The following PHLDB2 variants were observed in gnomAD, a reference collection of about 807,000 sequenced individuals.
PHLDB2 encodes pleckstrin homology like domain family B member 2, also known as pleckstrin homology-like domain family B member 2.
PHLDB2 carries 71 observed loss-of-function variants against 123.6 expected under a neutral mutation model. The observed-to-expected ratio is 0.57, with a 90% CI of 0.47 to 0.70. PHLDB2 has a LOEUF of 0.70. Among genes scored for constraint, PHLDB2 ranks in the 30% least tolerant of loss-of-function variants. PHLDB2 has a pLI of 0.00. For synonymous variants in PHLDB2, 547 were observed against 541.6 expected (o/e 1.01, Z -0.14); for missense variants, 1,446 against 1,519.5 (o/e 0.95, Z 0.80).
chr3:111,873,087 A>T (rs13323152), intron 1 of PHLDB2, among the ~76,000 whole-genome samples: 1 of 152,134 alleles, frequency 6.6e-6, no homozygotes, highest in Non-Finnish European at 1.5e-5. Context: ...TCCTCTACAG[A>T]TATGCATGGC....
chr3:111,807,573 A>T (rs530240550), intron 1 of PHLDB2, among the ~76,000 whole-genome samples: 10 of 152,128 alleles, frequency 6.6e-5, no homozygotes, highest in African/African-American at 1.2e-4. Context: ...ATAAAAATTT[A>T]AAAAAAATAG....
exon 1 of PHLDB2, chr3:111,732,589 T>C (rs1287934671): frequency 2.0e-6 from 3 of 1,517,226 alleles, no homozygotes; most frequent in Admixed American, 3.9e-5. Flanking sequence ...CCTGTGTTAA[T>C]GTGTCTTCCC....
At position 111,884,234 on chromosome 3, in the gene PHLDB2, G is replaced by A. The variant is rs751998454; in HGVS notation, c.157G>A (p.Gly53Arg). Residue 53 changes from glycine to arginine, a missense_variant, in exon 2 of 18, where the codon GGA becomes AGA. Physicochemically the swap from Gly to Arg is moderately radical, Grantham distance 125 (BLOSUM62 -2). Around this residue, in one of 3 missense-constraint regions of PHLDB2, gnomAD observed 832 missense variants for 831.9 expected, o/e 1.00. Transcript: ENST00000431670. ...TTCCAGTCTGAGATTTAAAGCCAAT[G>A]GAGACTATTCTGGCTCCTATTTAAC... Reference protein sequence around the residue: ...YSSSLRFKANGDYSGSYLTLS... With the variant: ...YSSSLRFKANRDYSGSYLTLS... The A allele has an allele frequency of 3.7e-6, 6 of 1,614,144 alleles. No individual in the cohort carries two copies. In the South Asian group the frequency reaches 6.6e-5, roughly 18 times the overall value.
chr3:111,773,374 A>G (rs1003561096), intron 1 of PHLDB2, among the ~76,000 whole-genome samples: 1 of 152,224 alleles, frequency 6.6e-6, no homozygotes. Flanking sequence ...AAGACAGCCA[A>G]GGGTTGTGAA....
At chr3:111,964,684 A>G (rs573037737) in intron 13 of PHLDB2, among the ~76,000 whole-genome samples, 4 of 152,292 alleles carry the variant, frequency 2.6e-5, no homozygotes, top group African/African-American at 9.6e-5. Context: ...ACATCAAAAC[A>G]TCATGTTATA....
intron 14 of PHLDB2, 69 bp from the exon 15 acceptor site, chr3:111,967,609 A>G: frequency 1.4e-6 from 2 of 1,432,056 alleles, no homozygotes; most frequent in African/African-American, 1.4e-5. Context: ...TGTCTTTTTT[A>G]TATTGATTGG....
At chr3:111,785,217 CTTCAT>C (rs1170412677) in intron 1 of PHLDB2, among the ~76,000 whole-genome samples, 2 of 152,040 alleles carry the variant, frequency 1.3e-5, no homozygotes, top group East Asian at 3.9e-4. Flanking sequence ...CATTTTATTT[CTTCAT>C]TTGTGACTCA....
At chr3:111,798,199 A>T (rs114313617) in intron 1 of PHLDB2, among the ~76,000 whole-genome samples, 1 of 152,174 alleles carries the variant, frequency 6.6e-6, no homozygotes, top group Non-Finnish European at 1.5e-5. Context: ...GTGAACTTCT[A>T]AGACCTTGGC....
chr3:111,957,052 T>C (rs2071102644), intron 12 of PHLDB2: 1 of 152,522 alleles, frequency 6.6e-6, no homozygotes, highest in Non-Finnish European at 1.5e-5. Flanking sequence ...TAATCAGCAC[T>C]GTTAATAGAA....
Position 111,774,069 on chromosome 3 carries a change from C to T in PHLDB2, c.-49+41366C>T, listed in dbSNP as rs554587579. Among the ~76,000 whole-genome samples the T allele has an allele frequency of 2.6e-5, 4 of 152,304 alleles. No homozygotes were observed. In the East Asian group the frequency reaches 7.7e-4, roughly 29 times the overall value. Reference sequence around the variant, plus strand: ...GAGCTCTATAAACACCTGTCAGTGGCACTATGAGATACAGCCTTTAGAATA... The same window carrying T: ...GAGCTCTATAAACACCTGTCAGTGGTACTATGAGATACAGCCTTTAGAATA... On this transcript the variant is annotated intron_variant, in intron 1 of 17. Transcript: ENST00000393923.
In PHLDB2 at chr3:111,818,165, G is replaced by GGTGTGTGTGTGT. The variant is rs5851789; in HGVS notation, c.-48-27635_-48-27624dup. ...TTAAAAAGAAATTTTTTAAAAAACT[G>GGTGTGTGTGTGT]GTGTGTGTGTGTGTGTGTGTGTGTG... is the stretch of plus-strand genomic sequence containing the variant. On this transcript the variant is annotated intron_variant, in intron 1 of 17. Coordinates refer to the PHLDB2 transcript ENST00000393923. 2.8e-3 allele frequency among the ~76,000 whole-genome samples: 417 copies of GGTGTGTGTGTGT among 147,692 alleles called. 1 individual carries two copies. The highest frequency in any genetic ancestry group is 0.015 in the South Asian group (67 of 4,488).
intron 1 of PHLDB2, among the ~76,000 whole-genome samples, chr3:111,833,915 A>AGAATTATATATATAATATATGTAATG: frequency 1.5e-3 from 1 of 668 alleles, no homozygotes; most frequent in African/African-American, 6.3e-3. Context: ...TATATGTAAT[A>AGAATTATATATATAATATATGTAATG]GAATTATATA....
intron 5 of PHLDB2, among the ~76,000 whole-genome samples, chr3:111,925,906 T>A (rs76137459): frequency 1.3e-5 from 2 of 152,274 alleles, no homozygotes; most frequent in East Asian, 3.8e-4. Flanking sequence ...CTGTGCTTCT[T>A]TTTAGCGCAC....
At chr3:111,779,771 T>G (rs773622724) in intron 1 of PHLDB2, 3 of 801,368 alleles carry the variant, frequency 3.7e-6, no homozygotes, top group Non-Finnish European at 4.5e-6. Flanking sequence ...TGTGGCAGAA[T>G]GCAAAAATCT....
intron 1 of PHLDB2, among the ~76,000 whole-genome samples, chr3:111,831,204 T>G (rs909853644): frequency 4.6e-5 from 7 of 152,186 alleles, no homozygotes; most frequent in African/African-American, 1.7e-4. Flanking sequence ...TTTTAGGGAC[T>G]TCTGCAAATC....
intron 1 of PHLDB2, among the ~76,000 whole-genome samples, chr3:111,809,922 T>C (rs1185729031): frequency 1.3e-5 from 2 of 152,122 alleles, no homozygotes; most frequent in East Asian, 1.9e-4. Flanking sequence ...GTACAACCTA[T>C]AGTTAGGAAT....
At chr3:111,877,051 G>A (rs1194322620) in intron 1 of PHLDB2, among the ~76,000 whole-genome samples, 2 of 152,156 alleles carry the variant, frequency 1.3e-5, no homozygotes, top group Admixed American at 1.3e-4. Flanking sequence ...TGTCTTTATA[G>A]TAGAATGATT....
intron 1 of PHLDB2, among the ~76,000 whole-genome samples, chr3:111,869,159 T>C (rs957276837): frequency 3.3e-5 from 5 of 152,320 alleles, no homozygotes; most frequent in Admixed American, 3.3e-4. Flanking sequence ...CTGGAATTTT[T>C]TTTTTCTTCT....
intron 2 of PHLDB2, among the ~76,000 whole-genome samples, chr3:111,910,102 C>T (rs547506384): frequency 6.6e-6 from 1 of 152,176 alleles, no homozygotes; most frequent in Non-Finnish European, 1.5e-5. Flanking sequence ...GAAAAAAGCT[C>T]AGAGGTCAAA....
Sources: gnomAD v4.1 joint callset for allele counts (sites outside exome capture counted in the v4.1 genomes callset) on GRCh38, gnomAD v4.1.1 for gene constraint, gnomAD v4.1.1 regional missense constraint, MANE v1.5 for transcripts, NCBI Gene and HGNC (gene_info 2026-07-23, HGNC 2026-07-21) for gene names.